The following DLG2 variants were observed in gnomAD, a reference collection of about 807,000 sequenced individuals.
DLG2 encodes disks large homolog 2.
DLG2 carries 45 observed loss-of-function variants against 132.5 expected under a neutral mutation model. That is an observed-to-expected ratio of 0.34 (90% CI 0.27 to 0.44). DLG2 has a LOEUF of 0.44. Ranked by LOEUF, DLG2 falls within the 20% of genes least tolerant of loss-of-function variation. The probability of loss-of-function intolerance (pLI) is 1.00; values close to 1 mark genes in which losing one functional copy is unlikely to be tolerated. For missense variants in DLG2, 1,045 were observed against 1,196.9 expected (o/e 0.87, Z 1.87); for synonymous variants, 424 against 419.6 (o/e 1.01, Z -0.13).
chr11:84,350,048 G>A (rs1475547861), intron 7 of DLG2, among the ~76,000 whole-genome samples: 4 of 151,734 alleles, frequency 2.6e-5, no homozygotes, highest in African/African-American at 9.7e-5. Context: ...CGTGGTGGTG[G>A]GCGCCTGTAG....
At position 85,335,455 on chromosome 11, in the gene DLG2, C is replaced by T. The variant is rs114529239; in HGVS notation, c.41-50090G>A. On this transcript the variant is annotated intron_variant, in intron 3 of 27. Transcript: ENST00000376104. Reference sequence around the variant, plus strand: ...ATATGTGAGGACTTGATCTTGTCATCATGTTAGCTAGTTGTTATGTAGACT... The same window carrying T: ...ATATGTGAGGACTTGATCTTGTCATTATGTTAGCTAGTTGTTATGTAGACT... Among the ~76,000 whole-genome samples, 900 of 152,110 alleles carry T rather than the reference C, an allele frequency of 5.9e-3. 9 individuals carry two copies. Among genetic ancestry groups the T allele is most frequent in the African/African-American group, 0.02 (838 of 41,520 alleles).
intron 7 of DLG2, among the ~76,000 whole-genome samples, chr11:84,485,631 T>C (rs997791570): frequency 2.0e-5 from 3 of 152,198 alleles, no homozygotes; most frequent in African/African-American, 7.2e-5. Flanking sequence ...CCTGTGTTTT[T>C]CGGTGCCATC....
intron 7 of DLG2, among the ~76,000 whole-genome samples, chr11:84,482,781 A>C (rs1416197103): frequency 6.6e-6 from 1 of 152,176 alleles, no homozygotes; most frequent in Admixed American, 6.5e-5. Context: ...TGCTTCCCAA[A>C]GTTTATGACT....
intron 7 of DLG2, among the ~76,000 whole-genome samples, chr11:84,312,490 GAACAA>G (rs940396353): frequency 2.6e-5 from 4 of 151,804 alleles, no homozygotes; most frequent in African/African-American, 4.8e-5. Flanking sequence ...ACAAACAAAC[GAACAA>G]AACAAAACAA....
intron 8 of DLG2, among the ~76,000 whole-genome samples, chr11:84,215,534 A>T (rs971814779): frequency 6.6e-6 from 1 of 152,184 alleles, no homozygotes. Flanking sequence ...GGTTCAGCTT[A>T]AAGTCCATTG....
At chr11:84,267,247 G>C (rs1291433031) in intron 7 of DLG2, among the ~76,000 whole-genome samples, 2 of 152,122 alleles carry the variant, frequency 1.3e-5, no homozygotes, top group Admixed American at 6.6e-5. Context: ...TAAAGTAGTT[G>C]GTAAGAAATT....
intron 18 of DLG2, among the ~76,000 whole-genome samples, chr11:83,784,627 A>G (rs903236609): frequency 6.6e-6 from 1 of 152,266 alleles, no homozygotes. Flanking sequence ...ACTACAGCAT[A>G]GTAACCAAAT....
At chr11:83,969,271 T>C (rs1186276671) in intron 12 of DLG2, among the ~76,000 whole-genome samples, 1 of 152,326 alleles carries the variant, frequency 6.6e-6, no homozygotes, top group African/African-American at 2.4e-5. Flanking sequence ...CTAGGGCTCA[T>C]ATCACCTGTT....
At chr11:84,498,165 A>T (rs1031356545) in intron 7 of DLG2, among the ~76,000 whole-genome samples, 1 of 152,188 alleles carries the variant, frequency 6.6e-6, no homozygotes, top group Non-Finnish European at 1.5e-5. Context: ...GGCAACAATG[A>T]GTAGTTTATA....
At position 84,004,226 on chromosome 11, in the gene DLG2, AG is replaced by A. The variant is rs561521891; in HGVS notation, c.920-23585del. On this transcript the variant is annotated intron_variant, in intron 11 of 27. Coordinates refer to ENST00000376104, the MANE Select transcript of DLG2 (RefSeq NM_001142699.3). Reference sequence around the variant, plus strand: ...AACTGAATTCAACAGCACATCAAAAAGATAATATACCATTACAAAATGGGAT... The same window carrying A: ...AACTGAATTCAACAGCACATCAAAAAATAATATACCATTACAAAATGGGAT... 6.9e-3 allele frequency among the ~76,000 whole-genome samples: 1,044 copies of A among 152,276 alleles called. 4 individuals carry two copies. Among genetic ancestry groups the A allele is most frequent in the Non-Finnish European group, 0.011 (747 of 68,004 alleles).
At chr11:84,237,578 A>G (rs1314346014) in intron 8 of DLG2, among the ~76,000 whole-genome samples, 1 of 152,184 alleles carries the variant, frequency 6.6e-6, no homozygotes, top group Non-Finnish European at 1.5e-5. Context: ...AGGATAATCA[A>G]AATGCATTTC....
intron 4 of DLG2, among the ~76,000 whole-genome samples, chr11:85,261,717 G>A (rs2076951505): frequency 6.6e-6 from 1 of 152,112 alleles, no homozygotes; most frequent in Non-Finnish European, 1.5e-5. Flanking sequence ...TGAAACTGCT[G>A]AATTCTGGAA....
intron 19 of DLG2, among the ~76,000 whole-genome samples, chr11:83,581,697 T>C (rs2096979329): frequency 6.6e-6 from 1 of 152,202 alleles, no homozygotes. Flanking sequence ...TGAAACGATA[T>C]AACATTGAAT....
chr11:84,721,779 T>A (rs2061864898), intron 6 of DLG2, among the ~76,000 whole-genome samples: 1 of 152,178 alleles, frequency 6.6e-6, no homozygotes, highest in Non-Finnish European at 1.5e-5. Context: ...TGGCTTTGTG[T>A]AAGTCATTTA....
intron 2 of DLG2, among the ~76,000 whole-genome samples, 164 bp from the exon 3 acceptor site, chr11:85,598,952 C>T (rs1488479893): frequency 6.6e-6 from 1 of 152,050 alleles, no homozygotes; most frequent in Non-Finnish European, 1.5e-5. Flanking sequence ...TACTCAATGG[C>T]CAATTTCAAC....
chr11:83,699,543 AAG>A (rs2082502524), intron 18 of DLG2, among the ~76,000 whole-genome samples: 1 of 149,002 alleles, frequency 6.7e-6, no homozygotes, highest in Non-Finnish European at 1.5e-5. Context: ...AAAAATACAA[AAG>A]AAAAAAAAAA....
At chr11:83,954,948 A>G (rs1225714818) in intron 14 of DLG2, among the ~76,000 whole-genome samples, 2 of 152,232 alleles carry the variant, frequency 1.3e-5, no homozygotes, top group African/African-American at 2.4e-5. Context: ...AAATAAGTTG[A>G]AAAATCCATA....
intron 11 of DLG2, among the ~76,000 whole-genome samples, chr11:84,053,977 G>A (rs1300274576): frequency 1.3e-5 from 2 of 149,876 alleles, no homozygotes; most frequent in African/African-American, 5.0e-5. Context: ...AATAATGGAG[G>A]AGAATTGCTA....
In DLG2 at chr11:83,499,850, GAGATATATATATATATATAT is replaced by G. The variant is rs1290727098; in HGVS notation, c.2194-15642_2194-15623del. On this transcript the variant is annotated intron_variant, in intron 21 of 27. Coordinates refer to ENST00000376104, the MANE Select transcript of DLG2 (RefSeq NM_001142699.3). ...ATATATATATTTCCTCCACTAATAG[GAGATATATATATATATATAT>G]ATATATATATATATATATATATATA... Among the ~76,000 whole-genome samples the G allele has an allele frequency of 7.5e-3, 442 of 58,768 alleles. 13 individuals are homozygous for G. Among genetic ancestry groups the G allele is most frequent in the African/African-American group, 0.021 (345 of 16,066 alleles). 38.6% of individuals were successfully genotyped at this position (58,768 alleles called of 152,430 possible). A position where few individuals can be genotyped will look rare whatever the true frequency, so the allele number is the denominator to read the frequency against.
Sources: allele counts gnomAD v4.1 joint callset (sites outside exome capture counted in the v4.1 genomes callset), GRCh38; gene constraint gnomAD v4.1.1; transcripts MANE v1.5; gene names NCBI Gene and HGNC (gene_info 2026-07-23, HGNC 2026-07-21).